Variants in SLC24A2 observed in about 807,000 individuals in gnomAD.
The protein encoded by SLC24A2 is solute carrier family 24 member 2, also known as sodium/potassium/calcium exchanger 2.
A neutral mutation model predicts 62.0 loss-of-function variants in SLC24A2; 36 were observed. The ratio of observed to expected loss-of-function variants is 0.58; its 90% confidence interval spans 0.44 to 0.77. SLC24A2 has a LOEUF of 0.77. Ranked by LOEUF, SLC24A2 falls within the 30% of genes least tolerant of loss-of-function variation. The pLI, the probability that SLC24A2 is intolerant of heterozygous loss-of-function variation, is 0.00. For missense variants in SLC24A2, 846 were observed against 817.9 expected, an observed-to-expected ratio of 1.03 and a Z score of -0.42; for synonymous variants, 358 against 294.0, an observed-to-expected ratio of 1.22 and a Z score of -2.23.
chr9:20,172,942 C>G, the SLC24A2 span, among the ~76,000 whole-genome samples: 1 of 152,012 alleles, frequency 6.6e-6, no homozygotes. Flanking sequence ...TAACAAAATA[C>G]TAGCTAACTA....
intron 9 of SLC24A2, among the ~76,000 whole-genome samples, chr9:19,525,391 C>CTTTTTTTTTTTTTTTTTTTTTTTTT (rs572919824): frequency 1.3e-5 from 1 of 76,374 alleles, no homozygotes; most frequent in Non-Finnish European, 2.3e-5. Flanking sequence ...TATTTCTTTA[C>CTTTTTTTTTTTTTTTTTTTTTTTTT]TTTTTTTTTT....
chr9:19,695,521 C>G (rs1436594904), intron 2 of SLC24A2, among the ~76,000 whole-genome samples: 5 of 151,456 alleles, frequency 3.3e-5, no homozygotes, highest in African/African-American at 9.7e-5. Flanking sequence ...TTGATACAAC[C>G]CAATCTGAAA....
the SLC24A2 span, among the ~76,000 whole-genome samples, chr9:20,177,832 G>C: frequency 1.3e-5 from 2 of 152,058 alleles, no homozygotes; most frequent in Non-Finnish European, 2.9e-5. Context: ...CAATGACTTT[G>C]AAAGCAAGAA....
chr9:19,778,670 T>C (rs953927559), intron 2 of SLC24A2, among the ~76,000 whole-genome samples: 7 of 152,198 alleles, frequency 4.6e-5, no homozygotes, highest in African/African-American at 1.2e-4. Flanking sequence ...ATGGCCCCAG[T>C]TGGTAGTACT....
At chr9:20,043,761 A>T in the SLC24A2 span, among the ~76,000 whole-genome samples, 1 of 152,224 alleles carries the variant, frequency 6.6e-6, no homozygotes, top group Non-Finnish European at 1.5e-5. Flanking sequence ...AAAGTAGTTT[A>T]TTGAGATGCA....
chr9:20,191,843 C>T, the SLC24A2 span, among the ~76,000 whole-genome samples: 1 of 152,000 alleles, frequency 6.6e-6, no homozygotes. Context: ...CAGAACAAAA[C>T]CAACTATACT....
intron 8 of SLC24A2, among the ~76,000 whole-genome samples, chr9:19,535,059 T>C (rs997039323): frequency 1.3e-5 from 2 of 152,186 alleles, no homozygotes; most frequent in Non-Finnish European, 2.9e-5. Flanking sequence ...TTCTAACTGG[T>C]ATGAGATAGT....
the SLC24A2 span, among the ~76,000 whole-genome samples, chr9:20,166,301 T>C: frequency 1.1e-4 from 16 of 151,984 alleles, no homozygotes; most frequent in African/African-American, 3.6e-4. Flanking sequence ...AAAATAAATA[T>C]GCATATGATT....
At chr9:19,883,312 C>T in the SLC24A2 span, among the ~76,000 whole-genome samples, 2 of 152,110 alleles carry the variant, frequency 1.3e-5, no homozygotes. Flanking sequence ...TATGTCTAGA[C>T]TGAAATTACA....
At chr9:19,995,386 A>G in the SLC24A2 span, among the ~76,000 whole-genome samples, 1 of 152,114 alleles carries the variant, frequency 6.6e-6, no homozygotes, top group South Asian at 2.1e-4. Flanking sequence ...TGGGTGCCTT[A>G]GAATGTCCTG....
chr9:19,716,916 T>C (rs182404291), intron 2 of SLC24A2, among the ~76,000 whole-genome samples: 2 of 152,346 alleles, frequency 1.3e-5, no homozygotes, highest in African/African-American at 4.8e-5. Context: ...ATTGTTATTT[T>C]TGTATGCTCA....
At chr9:19,691,387 G>A (rs1035346236) in intron 2 of SLC24A2, among the ~76,000 whole-genome samples, 69 of 152,186 alleles carry the variant, frequency 4.5e-4, no homozygotes, top group African/African-American at 1.5e-3. Context: ...GAAGAGAAGA[G>A]GCTATCAGAA....
the SLC24A2 span, among the ~76,000 whole-genome samples, chr9:19,949,241 G>A: frequency 6.6e-6 from 1 of 151,894 alleles, no homozygotes; most frequent in African/African-American, 2.4e-5. Context: ...TGATCTGCAC[G>A]CCTCGGCCTC....
rs1263256745 is a variant in SLC24A2 at position 19,511,074 on chromosome 9, G to A, written c.*5079C>T. On this transcript the variant is annotated 3_prime_UTR_variant, in exon 11 of 11. Coordinates refer to ENST00000341998, the MANE Select transcript of SLC24A2 (RefSeq NM_020344.4). Reference sequence around the variant, plus strand: ...AACAGATTCCTTCCAGAGCAAACATGAGTGTGCCTGTGATTTCTACAGACG... The same window carrying A: ...AACAGATTCCTTCCAGAGCAAACATAAGTGTGCCTGTGATTTCTACAGACG... The A allele has an allele frequency of 6.6e-6, 1 of 152,160 alleles. No homozygotes were observed. The highest frequency in any genetic ancestry group is 1.5e-5 in the Non-Finnish European group (1 of 68,038). The allele number at this position is 152,160 out of a possible 1,614,324, so 9.4% of individuals were successfully genotyped here. A position where few individuals can be genotyped will look rare whatever the true frequency, so the allele number is the denominator to read the frequency against.
chr9:19,636,331 C>CCT (rs1190298908), intron 2 of SLC24A2, among the ~76,000 whole-genome samples: 2 of 19,574 alleles, frequency 1.0e-4, no homozygotes, highest in African/African-American at 5.0e-4. Context: ...TTCTTTCTTT[C>CCT]TTTCTTTCTT....
At chr9:20,112,953 G>T in the SLC24A2 span, among the ~76,000 whole-genome samples, 2 of 152,022 alleles carry the variant, frequency 1.3e-5, no homozygotes, top group African/African-American at 2.4e-5. Flanking sequence ...CACGGTTAGG[G>T]CTGGAAAAAA....
At chr9:19,740,353 G>A (rs1821636744) in intron 2 of SLC24A2, among the ~76,000 whole-genome samples, 1 of 152,126 alleles carries the variant, frequency 6.6e-6, no homozygotes, top group African/African-American at 2.4e-5. Flanking sequence ...TAGAATGGAT[G>A]AATAAATTGT....
the SLC24A2 span, among the ~76,000 whole-genome samples, chr9:20,039,595 CCTGGG>C: frequency 6.6e-6 from 1 of 151,994 alleles, no homozygotes; most frequent in Non-Finnish European, 1.5e-5. Context: ...GTCCCCAGTT[CCTGGG>C]CTTAGGTTTC....
the SLC24A2 span, among the ~76,000 whole-genome samples, chr9:19,983,999 T>A: frequency 1.3e-5 from 2 of 152,230 alleles, no homozygotes; most frequent in African/African-American, 4.8e-5. Flanking sequence ...AGTATGCTCC[T>A]CAACTTACAA....
Sources: gnomAD v4.1 joint callset for allele counts (sites outside exome capture counted in the v4.1 genomes callset) on GRCh38, gnomAD v4.1.1 for gene constraint, MANE v1.5 for transcripts, NCBI Gene and HGNC (gene_info 2026-07-23, HGNC 2026-07-21) for gene names.